SRPK1: variants seen among roughly 807,000 people sequenced by gnomAD.
SRPK1 encodes the protein SRSF protein kinase 1, also known as SFRS protein kinase 1.
A neutral mutation model predicts 89.5 loss-of-function variants in SRPK1; 52 were observed. The ratio of observed to expected loss-of-function variants is 0.58; its 90% CI spans 0.46 to 0.73. The LOEUF is 0.73. SRPK1 is among the 30% of genes least tolerant of loss of function. The pLI is 0.00. For synonymous variants in SRPK1, 255 were observed against 270.2 expected (o/e 0.94, Z 0.55); for missense variants, 603 against 780.6 (o/e 0.77, Z 2.71).
intron 12 of SRPK1, among the ~76,000 whole-genome samples, chr6:35,865,658 G>C (rs1050057037): frequency 6.6e-6 from 1 of 152,052 alleles, no homozygotes; most frequent in African/African-American, 2.4e-5. Flanking sequence ...ACAGCAAACT[G>C]ATCTTTGAAA....
At chr6:35,861,331 T>C (rs979635782) in intron 12 of SRPK1, among the ~76,000 whole-genome samples, 1 of 152,308 alleles carries the variant, frequency 6.6e-6, no homozygotes, top group South Asian at 2.1e-4. Context: ...GGGCCTGACA[T>C]GCAGAACTGC....
chr6:35,891,518 G>A lies in SRPK1; in HGVS notation c.75-505C>T, dbSNP rs372887197. 1.1e-4 allele frequency among the ~76,000 whole-genome samples: 17 copies of A among 152,124 alleles called. No individual in the cohort carries two copies. The East Asian group carries it at 1.4e-3, about 12-fold the overall frequency. ...GTGGATCACCTGAGGTCAGGAGTTCGAAACCAGTCTGGCCAATATGGTGAA... is the reference window on the plus strand; with the variant it reads ...GTGGATCACCTGAGGTCAGGAGTTCAAAACCAGTCTGGCCAATATGGTGAA... On this transcript the variant is annotated intron_variant, in intron 2 of 15. Coordinates refer to ENST00000373825, the MANE Select transcript of SRPK1 (RefSeq NM_003137.5).
chr6:35,874,591 C>T (rs1276688083), intron 6 of SRPK1, among the ~76,000 whole-genome samples: 1 of 152,100 alleles, frequency 6.6e-6, no homozygotes, highest in Non-Finnish European at 1.5e-5. Flanking sequence ...CATTAAAATA[C>T]TCAATGGTAA....
intron 7 of SRPK1, among the ~76,000 whole-genome samples, chr6:35,873,315 T>C (rs1208290877): frequency 6.6e-6 from 1 of 152,232 alleles, no homozygotes; most frequent in African/African-American, 2.4e-5. Flanking sequence ...AATTACTATT[T>C]GCAACCAGAA....
intron 13 of SRPK1, among the ~76,000 whole-genome samples, chr6:35,854,407 C>CT (rs1769624128): frequency 3.3e-5 from 5 of 152,332 alleles, no homozygotes; most frequent in African/African-American, 1.2e-4. Context: ...TCTTCAGGCA[C>CT]TTCCGATATT....
At position 35,874,352 on chromosome 6, in the gene SRPK1, TAAG is replaced by T. The variant is rs2127249234; in HGVS notation, c.479-16_479-14del. The T allele has an allele frequency of 4.4e-6, 7 of 1,591,646 alleles. No homozygotes were observed. The highest frequency in any genetic ancestry group is 6.0e-6 in the Non-Finnish European group (7 of 1,162,420). ...ACCATGCAGATATCTAGGAATTCATTAAGGAGGGAAAAAACGGCACAAAAGAAG... is the reference window on the plus strand; with the variant it reads ...ACCATGCAGATATCTAGGAATTCATTGAGGGAAAAAACGGCACAAAAGAAG... On this transcript the variant is annotated splice_polypyrimidine_tract_variant and intron_variant, in intron 6 of 15. Coordinates refer to ENST00000373825, the MANE Select transcript of SRPK1 (RefSeq NM_003137.5).
rs144518763 is a variant in SRPK1, at chr6:35,919,751, T to G, written c.74+717A>C. Among the ~76,000 whole-genome samples the G allele has an allele frequency of 3.0e-3, 458 of 152,340 alleles. 1 individual carries two copies. The highest frequency in any genetic ancestry group is 6.2e-3 in the African/African-American group (256 of 41,586). On this transcript the variant is annotated intron_variant, in intron 2 of 15. Coordinates refer to ENST00000373825, the MANE Select transcript of SRPK1 (RefSeq NM_003137.5). ...TGCATCCTACTGATAAAACTGGACATGTGGCGCTTAATACGCCAAACCAGA... is the reference window on the plus strand; with the variant it reads ...TGCATCCTACTGATAAAACTGGACAGGTGGCGCTTAATACGCCAAACCAGA...
intron 8 of SRPK1, among the ~76,000 whole-genome samples, chr6:35,871,318 G>A (rs1270964833): frequency 1.3e-5 from 2 of 152,132 alleles, no homozygotes; most frequent in Non-Finnish European, 2.9e-5. Context: ...TTTTAAAAGG[G>A]GAGTCTAGGT....
intron 12 of SRPK1, among the ~76,000 whole-genome samples, chr6:35,865,905 G>T (rs1313546922): frequency 6.6e-6 from 1 of 151,510 alleles, no homozygotes; most frequent in Non-Finnish European, 1.5e-5. Context: ...CACAGCAAAA[G>T]AAATAATCAA....
At chr6:35,918,299 G>A (rs1324731628) in intron 2 of SRPK1, among the ~76,000 whole-genome samples, 3 of 152,088 alleles carry the variant, frequency 2.0e-5, no homozygotes, top group Non-Finnish European at 4.4e-5. Context: ...TCAGGAGTTC[G>A]AGACCAGCCT....
chr6:35,900,325 C>T, intron 2 of SRPK1, among the ~76,000 whole-genome samples: 1 of 152,168 alleles, frequency 6.6e-6, no homozygotes, highest in East Asian at 1.9e-4. Flanking sequence ...AGTGCCTGAA[C>T]ATAAATTTTA....
intron 13 of SRPK1, among the ~76,000 whole-genome samples, chr6:35,851,151 G>A (rs1025238689): frequency 6.6e-6 from 1 of 151,550 alleles, no homozygotes; most frequent in African/African-American, 2.4e-5. Context: ...ATGAGTTAAT[G>A]GAAAAAGTAA....
intron 14 of SRPK1, among the ~76,000 whole-genome samples, chr6:35,841,964 TCAGA>T (rs1342164585): frequency 3.3e-5 from 5 of 152,018 alleles, no homozygotes; most frequent in Non-Finnish European, 5.9e-5. Flanking sequence ...CCACAGTCTC[TCAGA>T]CAAAGTAACT....
intron 2 of SRPK1, among the ~76,000 whole-genome samples, chr6:35,913,979 T>TC (rs1387990544): frequency 4.8e-4 from 67 of 139,924 alleles, no homozygotes; most frequent in African/African-American, 1.5e-3. Context: ...CTTTTTTTTT[T>TC]TTTTTTTTTT....
chr6:35,889,412 C>T (rs1021516539), intron 3 of SRPK1, among the ~76,000 whole-genome samples: 1 of 151,968 alleles, frequency 6.6e-6, no homozygotes, highest in Non-Finnish European at 1.5e-5. Flanking sequence ...CTTTGGGAGG[C>T]CAAGGAGGGC....
At chr6:35,882,750 G>A (rs80058575) in intron 6 of SRPK1, among the ~76,000 whole-genome samples, 2,477 of 152,166 alleles carry the variant, frequency 0.016, 65 homozygotes, top group African/African-American at 0.056. Flanking sequence ...GATCTGTGGG[G>A]ATTCATTAAA....
intron 6 of SRPK1, among the ~76,000 whole-genome samples, chr6:35,879,903 C>A (rs1005959777): frequency 5.3e-5 from 8 of 151,852 alleles, no homozygotes; most frequent in African/African-American, 1.9e-4. Context: ...GAGACTCCAT[C>A]TCTACAAAAT....
chr6:35,881,740 AC>A (rs1770296452), intron 6 of SRPK1, among the ~76,000 whole-genome samples: 1 of 152,174 alleles, frequency 6.6e-6, no homozygotes, highest in Non-Finnish European at 1.5e-5. Flanking sequence ...TTATTAAAAG[AC>A]CACCAAACTA....
Position 35,842,600 on chromosome 6 carries a change from A to C in SRPK1, c.1625T>G (p.Phe542Cys). The C allele has an allele frequency of 1.9e-6, 3 of 1,607,060 alleles. No homozygotes were observed. Among genetic ancestry groups the C allele is most frequent in the Non-Finnish European group, 2.5e-6 (3 of 1,177,416 alleles). Reference protein sequence around the residue: ...ADIWSTACMAFELATGDYLFE... With the variant: ...ADIWSTACMACELATGDYLFE... ...CAAATAGTCACCTGTGGCCAGTTCA[A>C]AGGCCTAAAAAAAAAAGAGGACAGT... Residue 542 changes from phenylalanine to cysteine, a missense_variant, in exon 14 of 16, where the codon TTT becomes TGT. Phe to Cys is a radical substitution (Grantham distance 205). Coordinates refer to ENST00000373825, the MANE Select transcript of SRPK1 (RefSeq NM_003137.5).
Sources: allele counts gnomAD v4.1 joint callset (sites outside exome capture counted in the v4.1 genomes callset), GRCh38; gene constraint gnomAD v4.1.1; transcripts MANE v1.5; gene names NCBI Gene and HGNC (gene_info 2026-07-23, HGNC 2026-07-21).